Variants in CNOT2 observed in about 807,000 individuals in gnomAD.
CNOT2 encodes CCR4-NOT transcription complex subunit 2.
CNOT2 carries 7 observed loss-of-function variants against 72.1 expected under a neutral mutation model. The ratio of observed to expected loss-of-function variants is 0.10; its 90% CI spans 0.06 to 0.18. CNOT2 has a LOEUF of 0.18. CNOT2 is among the 10% of genes least tolerant of loss of function. The probability of loss-of-function intolerance (pLI) is 1.00; values close to 1 mark genes in which losing one functional copy is unlikely to be tolerated. For synonymous variants in CNOT2, 196 were observed against 225.6 expected (o/e 0.87, Z 1.17); for missense variants, 345 against 660.3 (o/e 0.52, Z 5.23).
chr12:70,309,990 T>C (rs533493242), intron 2 of CNOT2, among the ~76,000 whole-genome samples: 1 of 152,188 alleles, frequency 6.6e-6, no homozygotes, highest in South Asian at 2.1e-4. Context: ...GTACTGAACA[T>C]GTACAGACTG....
intron 1 of CNOT2, among the ~76,000 whole-genome samples, chr12:70,264,673 A>T (rs1219988751): frequency 1.3e-5 from 2 of 152,048 alleles, no homozygotes; most frequent in African/African-American, 4.8e-5. Flanking sequence ...TCCTGGAGAG[A>T]TACTCTAACC....
chr12:70,246,245 A>G (rs1427647416), intron 1 of CNOT2, among the ~76,000 whole-genome samples: 2 of 152,178 alleles, frequency 1.3e-5, no homozygotes, highest in South Asian at 2.1e-4. Context: ...AACTGTAGAA[A>G]GTTCATTCTG....
At chr12:70,279,297 A>G (rs1159632578) in intron 2 of CNOT2, among the ~76,000 whole-genome samples, 7 of 152,244 alleles carry the variant, frequency 4.6e-5, no homozygotes, top group Admixed American at 3.3e-4. Context: ...GGTGTATGGT[A>G]TAACAAAGAG....
At chr12:70,305,186 A>G (rs1349425389) in intron 2 of CNOT2, among the ~76,000 whole-genome samples, 1 of 152,188 alleles carries the variant, frequency 6.6e-6, no homozygotes, top group East Asian at 1.9e-4. Flanking sequence ...TCCCGCACCC[A>G]CTGTCCGGCA....
chr12:70,276,391 A>G (rs764783171), intron 1 of CNOT2, among the ~76,000 whole-genome samples: 1 of 152,140 alleles, frequency 6.6e-6, no homozygotes. Flanking sequence ...ATTTTATTCT[A>G]TAAGTACTGA....
chr12:70,281,477 A>G (rs1869835211), intron 2 of CNOT2, among the ~76,000 whole-genome samples: 1 of 152,222 alleles, frequency 6.6e-6, no homozygotes, highest in African/African-American at 2.4e-5. Context: ...TTACCTTTCC[A>G]ATATATCTCC....
intron 1 of CNOT2, among the ~76,000 whole-genome samples, chr12:70,257,769 G>A (rs754732570): frequency 1.3e-5 from 2 of 152,102 alleles, no homozygotes; most frequent in Non-Finnish European, 2.9e-5. Context: ...TAGATCATGA[G>A]TAGGGACAAG....
chr12:70,313,531 A>G lies in CNOT2; in HGVS notation c.171+2514A>G, dbSNP rs1417802688. Among the ~76,000 whole-genome samples the G allele has an allele frequency of 2.6e-5, 4 of 152,026 alleles. No individual in the cohort carries two copies. In the South Asian group the frequency reaches 6.2e-4, roughly 24 times the overall value. On this transcript the variant is annotated intron_variant, in intron 3 of 15. Coordinates refer to ENST00000229195, the MANE Select transcript of CNOT2 (RefSeq NM_014515.7). ...GAAATGTGTTTTGGTTTAACCTGTG[A>G]ATTGTAGGGTTCCAAATACTTTTTT...
chr12:70,343,631 C>G (rs1881786714), intron 13 of CNOT2, among the ~76,000 whole-genome samples: 1 of 152,204 alleles, frequency 6.6e-6, no homozygotes, highest in African/African-American at 2.4e-5. Context: ...TGGCACTCTA[C>G]AAGGTGCTTT....
At chr12:70,336,575 A>G (rs1335204719) in intron 8 of CNOT2, 1 of 152,074 alleles carries the variant, frequency 6.6e-6, no homozygotes, top group African/African-American at 2.4e-5. Flanking sequence ...TACAAATAAC[A>G]GTATATGAAG....
At chr12:70,269,789 C>T (rs1959181772) in intron 1 of CNOT2, among the ~76,000 whole-genome samples, 1 of 152,062 alleles carries the variant, frequency 6.6e-6, no homozygotes, top group African/African-American at 2.4e-5. Flanking sequence ...TTACCCCAGC[C>T]AAGTTTATGT....
At chr12:70,318,372 ATTTTT>A (rs1028206089) in intron 3 of CNOT2, among the ~76,000 whole-genome samples, 4 of 151,274 alleles carry the variant, frequency 2.6e-5, no homozygotes, top group Non-Finnish European at 4.4e-5. Context: ...ACAAATCTTT[ATTTTT>A]TTTAACAACT....
At chr12:70,255,357 A>C (rs1958385681) in intron 1 of CNOT2, among the ~76,000 whole-genome samples, 2 of 152,154 alleles carry the variant, frequency 1.3e-5, no homozygotes, top group Admixed American at 1.3e-4. Context: ...TGAGAATGTC[A>C]GTGCAGTAGT....
chr12:70,338,814 C>T lies in CNOT2; in HGVS notation c.1170C>T (p.Asn390=), dbSNP rs769771845. The change falls in exon 11 of 16, where the codon AAC becomes AAT. Residue 390 remains asparagine (N), a synonymous_variant. Transcript: ENST00000229195. The stretch of plus-strand genomic sequence containing the variant: ...TAACAACATTAGGCCTCAATCTGAA[C>T]TCTCCTGAGTAAGTTTTTTCTGTTT... ...SDLTTLGLNL[N]SPENLYPKFA... The T allele has an allele frequency of 1.9e-6, 3 of 1,612,804 alleles. No homozygotes were observed. The highest frequency in any genetic ancestry group is 2.5e-6 in the Non-Finnish European group (3 of 1,179,358).
At chr12:70,312,658 G>T (rs1876669785) in intron 3 of CNOT2, among the ~76,000 whole-genome samples, 5 of 151,854 alleles carry the variant, frequency 3.3e-5, no homozygotes, top group Admixed American at 3.3e-4. Context: ...TAAGAACATA[G>T]TATGGCATAG....
chr12:70,287,384 T>C (rs1391474119), intron 2 of CNOT2, among the ~76,000 whole-genome samples: 2 of 149,696 alleles, frequency 1.3e-5, no homozygotes, highest in Admixed American at 1.4e-4. Flanking sequence ...TTCTTTAATG[T>C]TTTCCTTTCA....
At chr12:70,342,861 G>A (rs1002159312) in intron 13 of CNOT2, among the ~76,000 whole-genome samples, 1 of 152,036 alleles carries the variant, frequency 6.6e-6, no homozygotes, top group South Asian at 2.1e-4. Flanking sequence ...ATTCACAATG[G>A]TACCTAAATT....
chr12:70,305,873 G>GTTTTTTTTTTTTTTTTTTTTTT (rs11412509), intron 2 of CNOT2, among the ~76,000 whole-genome samples: 1 of 60,070 alleles, frequency 1.7e-5, no homozygotes, highest in Non-Finnish European at 3.0e-5. Context: ...TCTGAAGTTT[G>GTTTTTTTTTTTTTTTTTTTTTT]TTTTTTTTTT....
intron 1 of CNOT2, among the ~76,000 whole-genome samples, chr12:70,256,916 A>G (rs1958480785): frequency 6.6e-6 from 1 of 152,230 alleles, no homozygotes; most frequent in African/African-American, 2.4e-5. Context: ...TGTAACCTGT[A>G]TTGAAAAAAC....
Sources: gnomAD v4.1 joint callset for allele counts (sites outside exome capture counted in the v4.1 genomes callset) on GRCh38, gnomAD v4.1.1 for gene constraint, MANE v1.5 for transcripts, NCBI Gene and HGNC (gene_info 2026-07-23, HGNC 2026-07-21) for gene names.